Variants in DPP10 observed in about 807,000 individuals in gnomAD.
DPP10 encodes dipeptidyl peptidase like 10, also known as inactive dipeptidyl peptidase 10.
Under a neutral mutation model 120.9 loss-of-function variants are expected in DPP10, and 33 were observed. That is an observed-to-expected ratio of 0.27 (90% confidence interval 0.21 to 0.37). The LOEUF (loss-of-function observed/expected upper bound fraction) is 0.37. Among genes scored for constraint, DPP10 ranks in the 10% least tolerant of loss-of-function variants. The pLI is 1.00. For missense variants in DPP10, 816 were observed against 942.8 expected (o/e 0.87, Z 1.76); for synonymous variants, 337 against 326.1 (o/e 1.03, Z -0.36).
At chr2:115,662,963 A>G (rs62157878) in intron 5 of DPP10, among the ~76,000 whole-genome samples, 11,806 of 150,860 alleles carry the variant, frequency 0.078, 649 homozygotes, top group Non-Finnish European at 0.12. Flanking sequence ...TGCATGTAGA[A>G]TTGTTTTGAG....
chr2:115,781,308 C>A (rs1682738337), intron 16 of DPP10, among the ~76,000 whole-genome samples: 1 of 151,712 alleles, frequency 6.6e-6, no homozygotes, highest in South Asian at 2.1e-4. Flanking sequence ...AACTAATTTA[C>A]CTAGTCTTCA....
At chr2:114,683,867 A>G (rs1287055949) in intron 1 of DPP10, among the ~76,000 whole-genome samples, 1 of 151,852 alleles carries the variant, frequency 6.6e-6, no homozygotes, top group Non-Finnish European at 1.5e-5. Context: ...TATCTTGCAA[A>G]CCATCTCACT....
At chr2:115,458,437 T>TCTTATATATATAAACTGGGGTA (rs2073752602) in intron 3 of DPP10, among the ~76,000 whole-genome samples, 1 of 152,144 alleles carries the variant, frequency 6.6e-6, no homozygotes, top group African/African-American at 2.4e-5. Context: ...ATAAGCTATT[T>TCTTATATATATAAACTGGGGTA]AGACTTAAAA....
At chr2:114,721,211 T>C (rs773894099) in intron 1 of DPP10, among the ~76,000 whole-genome samples, 1 of 152,206 alleles carries the variant, frequency 6.6e-6, no homozygotes, top group Non-Finnish European at 1.5e-5. Flanking sequence ...GCATTCATTC[T>C]ATCATTCTTC....
intron 1 of DPP10, among the ~76,000 whole-genome samples, chr2:114,915,130 CAA>C (rs70941013): frequency 7.5e-4 from 109 of 145,920 alleles, no homozygotes; most frequent in Admixed American, 2.9e-3. Context: ...GACTCCGTCT[CAA>C]AAAAAAAAAT....
rs951881106 is a variant in DPP10 at position 115,227,858 on chromosome 2, A to T, written c.61-81381A>T. ...TTTTTTCAAAATTAATTATTTATTTATATTAATTTTGTGGGTACATAATAG... is the reference window on the plus strand; with the variant it reads ...TTTTTTCAAAATTAATTATTTATTTTTATTAATTTTGTGGGTACATAATAG... On this transcript the variant is annotated intron_variant, in intron 1 of 25. Transcript: ENST00000410059. Among the ~76,000 whole-genome samples the T allele has an allele frequency of 1.0e-4, 15 of 150,534 alleles. No individual in the cohort carries two copies. The South Asian group carries it at 2.9e-3, about 29-fold the overall frequency.
chr2:114,526,716 G>A (rs1685530802), intron 1 of DPP10, among the ~76,000 whole-genome samples: 1 of 152,084 alleles, frequency 6.6e-6, no homozygotes, highest in African/African-American at 2.4e-5. Context: ...AGGAATGAGA[G>A]AGCCCTCTTG....
chr2:115,821,041 A>G (rs1687767738), intron 21 of DPP10, among the ~76,000 whole-genome samples: 1 of 152,198 alleles, frequency 6.6e-6, no homozygotes, highest in Non-Finnish European at 1.5e-5. Flanking sequence ...AGGAATCTCC[A>G]CACTGTTTTC....
chr2:115,200,462 AG>A (rs1469325789), intron 1 of DPP10, among the ~76,000 whole-genome samples: 8 of 152,220 alleles, frequency 5.3e-5, no homozygotes, highest in African/African-American at 1.9e-4. Context: ...ATGAAGGTTA[AG>A]TACCAACAAA....
chr2:114,827,580 G>A (rs1686671361), intron 1 of DPP10, among the ~76,000 whole-genome samples: 1 of 152,034 alleles, frequency 6.6e-6, no homozygotes, highest in African/African-American at 2.4e-5. Context: ...TTCTCTTTGA[G>A]CCACTTTTTT....
chr2:114,457,180 G>T (rs956938416), intron 1 of DPP10, among the ~76,000 whole-genome samples: 1 of 152,128 alleles, frequency 6.6e-6, no homozygotes, highest in Non-Finnish European at 1.5e-5. Context: ...AGACTCTGTT[G>T]GTCAATACAA....
intron 3 of DPP10, among the ~76,000 whole-genome samples, chr2:115,358,144 G>A (rs755641680): frequency 6.6e-6 from 1 of 152,130 alleles, no homozygotes; most frequent in Non-Finnish European, 1.5e-5. Context: ...CAGCCTGCTT[G>A]AATTTCTCCC....
chr2:115,244,510 G>C (rs189951990), intron 1 of DPP10, among the ~76,000 whole-genome samples: 19 of 151,618 alleles, frequency 1.3e-4, no homozygotes, highest in Non-Finnish European at 2.2e-4. Context: ...AAATTTTTTG[G>C]CCTGGAAATG....
chr2:115,280,494 T>G (rs991655991), intron 1 of DPP10, among the ~76,000 whole-genome samples: 1 of 152,204 alleles, frequency 6.6e-6, no homozygotes, highest in African/African-American at 2.4e-5. Context: ...TCACCACTGA[T>G]GACTTCTCAC....
intron 3 of DPP10, among the ~76,000 whole-genome samples, chr2:115,394,419 A>G (rs1347302005): frequency 6.6e-6 from 1 of 151,302 alleles, no homozygotes; most frequent in Non-Finnish European, 1.5e-5. Flanking sequence ...TCTTTTTTTT[A>G]ATTAGAAAAT....
intron 1 of DPP10, among the ~76,000 whole-genome samples, chr2:114,822,963 T>G (rs1457469038): frequency 6.6e-6 from 1 of 152,228 alleles, no homozygotes; most frequent in Non-Finnish European, 1.5e-5. Context: ...AGTTTCAAAT[T>G]TTCTCACATT....
At chr2:114,658,351 A>G (rs1697118377) in intron 1 of DPP10, among the ~76,000 whole-genome samples, 1 of 152,202 alleles carries the variant, frequency 6.6e-6, no homozygotes, top group Admixed American at 6.5e-5. Context: ...GGACAATGAT[A>G]AGCTGTCTTG....
intron 8 of DPP10, among the ~76,000 whole-genome samples, chr2:115,738,919 G>A (rs1676928486): frequency 6.6e-6 from 1 of 152,110 alleles, no homozygotes; most frequent in African/African-American, 2.4e-5. Flanking sequence ...ATTTGCTGAG[G>A]TTAAGGGGTA....
chr2:115,103,354 A>T (rs1486021521), intron 1 of DPP10, among the ~76,000 whole-genome samples: 1 of 151,900 alleles, frequency 6.6e-6, no homozygotes, highest in Non-Finnish European at 1.5e-5. Flanking sequence ...CGCCCGGCTA[A>T]TTTTTTTGTA....
Sources: allele counts gnomAD v4.1 joint callset (sites outside exome capture counted in the v4.1 genomes callset), GRCh38; gene constraint gnomAD v4.1.1; transcripts MANE v1.5; gene names NCBI Gene and HGNC (gene_info 2026-07-23, HGNC 2026-07-21).